PDZD2: variants seen among roughly 807,000 people sequenced by gnomAD.
The protein encoded by PDZD2 is PDZ domain-containing protein 2.
A neutral mutation model predicts 220.7 loss-of-function variants in PDZD2; 90 were observed. The ratio of observed to expected loss-of-function variants is 0.41; its 90% confidence interval spans 0.34 to 0.49. The LOEUF (loss-of-function observed/expected upper bound fraction) is 0.49, where lower values mean the gene tolerates loss of function less well. Ranked by LOEUF, PDZD2 falls within the 20% of genes least tolerant of loss-of-function variation. PDZD2 has a pLI of 0.28. For missense variants in PDZD2, 3,174 were observed against 3,608.5 expected, an observed-to-expected ratio of 0.88 and a Z score of 3.08; for synonymous variants, 1,375 against 1,450.5, an observed-to-expected ratio of 0.95 and a Z score of 1.18.
chr5:31,672,036 G>T (rs1383627151), intron 1 of PDZD2, among the ~76,000 whole-genome samples: 1 of 152,118 alleles, frequency 6.6e-6, no homozygotes, highest in Non-Finnish European at 1.5e-5. Flanking sequence ...GACAGTAGGA[G>T]GTTTAGCAGC....
rs1741457258 is a variant in PDZD2 at position 32,077,856 on chromosome 5, C to T, written c.3682+250C>T. 4 of 394,998 alleles carry T rather than the reference C, an allele frequency of 1.0e-5. No individual in the cohort carries two copies. In the Admixed American group the frequency reaches 1.5e-4, roughly 15 times the overall value. The allele number at this position is 394,998 out of a possible 1,614,324, so 24.5% of individuals were successfully genotyped here. A position where few individuals can be genotyped will look rare whatever the true frequency, so the allele number is the denominator to read the frequency against. On this transcript the variant is annotated intron_variant, in intron 19 of 24. Transcript: ENST00000438447. ...CCTTTAATCCCAGCTACTTGGGAGG[C>T]TGAGGCAGGAGAATCGCTTGAACTG...
At chr5:31,865,776 C>T (rs1045485127) in intron 2 of PDZD2, among the ~76,000 whole-genome samples, 1 of 150,668 alleles carries the variant, frequency 6.6e-6, no homozygotes, top group African/African-American at 2.4e-5. Context: ...AGATTACAGG[C>T]GCCCACCACC....
chr5:32,030,233 C>A (rs1287903658), intron 6 of PDZD2, among the ~76,000 whole-genome samples: 1 of 152,220 alleles, frequency 6.6e-6, no homozygotes, highest in Non-Finnish European at 1.5e-5. Context: ...AAGAAAGCTT[C>A]ATCTCTCCTT....
chr5:31,852,207 C>A (rs1038470356), intron 2 of PDZD2, among the ~76,000 whole-genome samples: 14 of 152,152 alleles, frequency 9.2e-5, no homozygotes, highest in African/African-American at 3.1e-4. Context: ...TGAGCTGAGG[C>A]AACAAAGATG....
At chr5:32,061,223 TG>T in intron 14 of PDZD2, 89 bp downstream of exon 14, 2 of 1,368,798 alleles carry the variant, frequency 1.5e-6, no homozygotes, top group Non-Finnish European at 2.1e-6. Flanking sequence ...TTTTCCCAGC[TG>T]GGGATAGGCA....
chr5:31,890,224 T>A (rs931290688), intron 2 of PDZD2, among the ~76,000 whole-genome samples: 1 of 148,498 alleles, frequency 6.7e-6, no homozygotes, highest in Non-Finnish European at 1.5e-5. Flanking sequence ...ATGGCGGTGT[T>A]CTTTCTGTGA....
intron 1 of PDZD2, among the ~76,000 whole-genome samples, chr5:31,757,540 CGA>C (rs996955514): frequency 1.9e-4 from 28 of 151,234 alleles, no homozygotes; most frequent in Non-Finnish European, 4.4e-5. Context: ...TGCAGTGAGC[CGA>C]GATTGCGCCA....
chr5:31,850,261 C>CAT (rs1333967371), intron 2 of PDZD2, among the ~76,000 whole-genome samples: 32 of 130,290 alleles, frequency 2.5e-4, no homozygotes, highest in Non-Finnish European at 1.0e-4. Context: ...CACACACACA[C>CAT]ATATATATAC....
At chr5:31,969,135 G>A (rs1282812801) in intron 2 of PDZD2, among the ~76,000 whole-genome samples, 1 of 152,042 alleles carries the variant, frequency 6.6e-6, no homozygotes, top group Non-Finnish European at 1.5e-5. Flanking sequence ...AGATGCTAGC[G>A]GGACTATGAG....
intron 2 of PDZD2, among the ~76,000 whole-genome samples, chr5:31,810,720 C>T (rs532843539): frequency 6.6e-6 from 1 of 152,304 alleles, no homozygotes; most frequent in Admixed American, 6.5e-5. Context: ...TTGCCAAGTA[C>T]AGAAATGAAC....
At chr5:31,862,731 T>G (rs974266464) in intron 2 of PDZD2, among the ~76,000 whole-genome samples, 5 of 151,980 alleles carry the variant, frequency 3.3e-5, no homozygotes, top group Non-Finnish European at 5.9e-5. Context: ...CAGCTAATTT[T>G]TATATTTTTT....
Position 31,799,504 on chromosome 5 carries a change from A to C in PDZD2, c.256A>C (p.Ser86Arg). Residue 86 changes from serine (S) to arginine (R), a missense_variant, in exon 2 of 25, where the codon AGT becomes CGT. This residue lies in a region of PDZD2 where 632 missense variants were observed against 708.1 expected (regional missense o/e 0.89). Coordinates refer to ENST00000438447, the MANE Select transcript of PDZD2 (RefSeq NM_178140.4). ...GGGGGACACAGAGACTGTGGGCCTG[A>C]GTTTTGGGAACATCCCTGTTTTCGG... ...ELGDTETVGL[S>R]FGNIPVFGDY... is the part of the protein sequence containing the mutation. The C allele has an allele frequency of 6.2e-7, 1 of 1,614,134 alleles. No homozygotes were observed. The highest frequency in any genetic ancestry group is 8.5e-7 in the Non-Finnish European group (1 of 1,180,024).
chr5:31,799,568 A>G lies in PDZD2; in HGVS notation c.320A>G (p.Lys107Arg). ...GEKRRGGKKR[K>R]THQGPVLDVG... Reference sequence around the variant, plus strand: ...AAGCGCAGGGGGGGCAAGAAGAGGAAAACCCACCAGGGTCCTGTGCTGGAT... The same window carrying G: ...AAGCGCAGGGGGGGCAAGAAGAGGAGAACCCACCAGGGTCCTGTGCTGGAT... Residue 107 changes from lysine (K) to arginine (R), a missense_variant, in exon 2 of 25, where the codon AAA (lysine) becomes AGA (arginine). By Grantham distance (26) the Lys-to-Arg change is conservative. Transcript: ENST00000438447. The G allele has an allele frequency of 6.2e-7, 1 of 1,614,138 alleles. No homozygotes were observed. The highest frequency in any genetic ancestry group is 8.5e-7 in the Non-Finnish European group (1 of 1,180,020).
intron 2 of PDZD2, among the ~76,000 whole-genome samples, chr5:31,826,508 A>G (rs1272574817): frequency 6.6e-6 from 1 of 151,962 alleles, no homozygotes; most frequent in African/African-American, 2.4e-5. Flanking sequence ...CCCTGTCTCT[A>G]CTAAAAATAC....
intron 2 of PDZD2, among the ~76,000 whole-genome samples, chr5:31,966,590 C>G (rs1280514811): frequency 6.6e-6 from 1 of 152,142 alleles, no homozygotes; most frequent in Non-Finnish European, 1.5e-5. Flanking sequence ...TGATCAGAAT[C>G]CAAGACTTAA....
In PDZD2 at chr5:31,780,939, A is replaced by C. The variant is rs555489484; in HGVS notation, c.-360-17950A>C. On this transcript the variant is annotated intron_variant, in intron 1 of 24. Transcript: ENST00000438447. ...CACTTTGTCTTAGGAGCAAGGCAAC[A>C]TTCTCCAGAAGATTCTAGAAGGCGT... is the stretch of plus-strand genomic sequence containing the variant. Among the ~76,000 whole-genome samples the C allele has an allele frequency of 1.1e-4, 17 of 152,334 alleles. No individual in the cohort carries two copies. The South Asian group carries it at 1.9e-3, about 17-fold the overall frequency.
intron 6 of PDZD2, among the ~76,000 whole-genome samples, chr5:32,018,812 C>G (rs1004038085): frequency 6.6e-6 from 1 of 152,324 alleles, no homozygotes; most frequent in South Asian, 2.1e-4. Context: ...AACTCAATGC[C>G]TTATGTCGGA....
In PDZD2 at chr5:31,804,106, C is replaced by T. The variant is rs564575635; in HGVS notation, c.476+4382C>T. 1.6e-3 allele frequency among the ~76,000 whole-genome samples: 238 copies of T among 151,994 alleles called. 1 individual carries two copies. The highest frequency in any genetic ancestry group is 5.6e-3 in the African/African-American group (231 of 41,488). On this transcript the variant is annotated intron_variant, in intron 2 of 24. Coordinates refer to ENST00000438447, the MANE Select transcript of PDZD2 (RefSeq NM_178140.4). ...ATGAAAACGCTGGGCTTCTGGAAAC[C>T]TTTCACAGCTGAGGAAGTAAAATCT...
chr5:31,975,490 C>T lies in PDZD2; in HGVS notation c.477-7665C>T, dbSNP rs532899063. On this transcript the variant is annotated intron_variant, in intron 2 of 24. Coordinates refer to ENST00000438447, the MANE Select transcript of PDZD2 (RefSeq NM_178140.4). Reference sequence around the variant, plus strand: ...AGATTTGGGTGGGCACCCAGCCAAACCATATCATATTCCCTGCTCTAGATT... The same window carrying T: ...AGATTTGGGTGGGCACCCAGCCAAATCATATCATATTCCCTGCTCTAGATT... 2.0e-5 allele frequency among the ~76,000 whole-genome samples: 3 copies of T among 152,304 alleles called. No homozygotes were observed. In the South Asian group the frequency reaches 6.2e-4, roughly 32 times the overall value.
Sources: gnomAD v4.1 joint callset for allele counts (sites outside exome capture counted in the v4.1 genomes callset) on GRCh38, gnomAD v4.1.1 for gene constraint, gnomAD v4.1.1 regional missense constraint, MANE v1.5 for transcripts, NCBI Gene and HGNC (gene_info 2026-07-23, HGNC 2026-07-21) for gene names.